The following TENM2 variants were observed in gnomAD, a reference collection of about 807,000 sequenced individuals.
TENM2 encodes the protein teneurin-2.
In TENM2, 52 loss-of-function variants were observed where a neutral mutation model predicts 245.2. That is an observed-to-expected ratio of 0.21 (90% CI 0.17 to 0.27). The LOEUF is 0.27. Among genes scored for constraint, TENM2 ranks in the 10% least tolerant of loss-of-function variants. The pLI is 1.00. For synonymous variants in TENM2, 1,363 were observed against 1,438.9 expected (o/e 0.95, Z 1.19); for missense variants, 3,046 against 3,666.8 (o/e 0.83, Z 4.37).
At chr5:167,392,602 C>T (rs1761823129) in intron 2 of TENM2, among the ~76,000 whole-genome samples, 1 of 152,098 alleles carries the variant, frequency 6.6e-6, no homozygotes, top group Non-Finnish European at 1.5e-5. Flanking sequence ...TACGGGTTTT[C>T]CCCAGCTTGC....
chr5:167,863,868 TC>T (rs1772067477), intron 2 of TENM2, among the ~76,000 whole-genome samples: 1 of 152,176 alleles, frequency 6.6e-6, no homozygotes, highest in African/African-American at 2.4e-5. Context: ...GCAATGATGT[TC>T]GAACAATTGT....
At chr5:167,397,408 T>C (rs1234418513) in intron 2 of TENM2, among the ~76,000 whole-genome samples, 1 of 152,038 alleles carries the variant, frequency 6.6e-6, no homozygotes, top group African/African-American at 2.4e-5. Context: ...ATTCTGAAAA[T>C]TAACTAATGA....
the TENM2 span, among the ~76,000 whole-genome samples, chr5:167,069,371 T>C: frequency 6.6e-6 from 1 of 152,210 alleles, no homozygotes; most frequent in African/African-American, 2.4e-5. Context: ...ATCTAAATGA[T>C]GCAAATTAAA....
At chr5:167,924,355 C>T (rs954471342) in intron 3 of TENM2, among the ~76,000 whole-genome samples, 34 of 152,174 alleles carry the variant, frequency 2.2e-4, no homozygotes, top group Admixed American at 1.8e-3. Context: ...ACCATTCAGG[C>T]GAGTCAATAG....
intron 2 of TENM2, among the ~76,000 whole-genome samples, chr5:167,621,840 G>T (rs1442963586): frequency 6.6e-6 from 1 of 152,150 alleles, no homozygotes; most frequent in African/African-American, 2.4e-5. Context: ...TCACTTGCAG[G>T]CTTATGAATT....
chr5:168,208,177 A>T (rs1230479728), intron 19 of TENM2, among the ~76,000 whole-genome samples: 2 of 152,206 alleles, frequency 1.3e-5, no homozygotes, highest in African/African-American at 4.8e-5. Context: ...GAGGCAGTAA[A>T]TTATACGGGA....
chr5:167,285,813 G>A (rs1278984893), intron 1 of TENM2, among the ~76,000 whole-genome samples: 1 of 152,222 alleles, frequency 6.6e-6, no homozygotes, highest in Non-Finnish European at 1.5e-5. Context: ...ACAGGCAAAC[G>A]CACAAAACTG....
At chr5:167,853,463 AG>A (rs1332792054) in intron 2 of TENM2, among the ~76,000 whole-genome samples, 2 of 152,032 alleles carry the variant, frequency 1.3e-5, no homozygotes, top group African/African-American at 4.8e-5. Flanking sequence ...GGGAGCTTAC[AG>A]GGGTGAGACA....
the TENM2 span, among the ~76,000 whole-genome samples, chr5:167,230,996 A>G: frequency 1.4e-4 from 22 of 152,066 alleles, no homozygotes; most frequent in Admixed American, 1.4e-3. Context: ...TGATGGTTTT[A>G]TTACTGTGGC....
At chr5:167,869,069 G>A (rs1283775634) in intron 2 of TENM2, among the ~76,000 whole-genome samples, 1 of 152,198 alleles carries the variant, frequency 6.6e-6, no homozygotes, top group African/African-American at 2.4e-5. Flanking sequence ...GTAAGTGGAA[G>A]GGCTCAGTCT....
At chr5:167,230,524 T>G in the TENM2 span, among the ~76,000 whole-genome samples, 1 of 152,170 alleles carries the variant, frequency 6.6e-6, no homozygotes, top group African/African-American at 2.4e-5. Context: ...AATCAGCCAT[T>G]TTGAAGCCCC....
At chr5:167,087,046 C>G in the TENM2 span, among the ~76,000 whole-genome samples, 1 of 151,620 alleles carries the variant, frequency 6.6e-6, no homozygotes, top group Admixed American at 6.6e-5. Flanking sequence ...TTTACAAAAG[C>G]TATTCAAGAT....
At chr5:167,897,890 G>GTTTTTT (rs35680049) in intron 3 of TENM2, among the ~76,000 whole-genome samples, 3 of 89,272 alleles carry the variant, frequency 3.4e-5, no homozygotes, top group African/African-American at 3.5e-5. Context: ...GTAGTAAATT[G>GTTTTTT]TTTTTTTTTT....
chr5:167,075,764 C>T, the TENM2 span, among the ~76,000 whole-genome samples: 5 of 152,102 alleles, frequency 3.3e-5, no homozygotes, highest in Admixed American at 2.6e-4. Context: ...AAAACTCCTA[C>T]GAACTTTTAG....
At chr5:168,260,955 A>G (rs1396809123) in intron 28 of TENM2, among the ~76,000 whole-genome samples, 1 of 152,158 alleles carries the variant, frequency 6.6e-6, no homozygotes, top group Non-Finnish European at 1.5e-5. Flanking sequence ...CTACAATCAG[A>G]TGGGAGGCGT....
the TENM2 span, among the ~76,000 whole-genome samples, chr5:167,192,399 T>G: frequency 6.6e-6 from 1 of 152,056 alleles, no homozygotes; most frequent in Non-Finnish European, 1.5e-5. Context: ...AAACCTAGTT[T>G]CCAGGCTGCT....
At chr5:167,495,615 G>T (rs72829387) in intron 2 of TENM2, among the ~76,000 whole-genome samples, 3 of 152,048 alleles carry the variant, frequency 2.0e-5, no homozygotes, top group Non-Finnish European at 2.9e-5. Context: ...ATACTATAGT[G>T]GTGTCTTGAT....
chr5:168,171,106 G>A (rs1451396602), intron 13 of TENM2, among the ~76,000 whole-genome samples: 1 of 152,222 alleles, frequency 6.6e-6, no homozygotes, highest in South Asian at 2.1e-4. Flanking sequence ...GCTCAATGTA[G>A]TCATTCAGTT....
chr5:167,084,366 T>TATATAC, the TENM2 span, among the ~76,000 whole-genome samples: 35 of 114,882 alleles, frequency 3.0e-4, no homozygotes, highest in Admixed American at 1.1e-3. Context: ...TATATATATA[T>TATATAC]ACAGATCAGA....
Sources: allele counts gnomAD v4.1 joint callset (sites outside exome capture counted in the v4.1 genomes callset), GRCh38; gene constraint gnomAD v4.1.1; transcripts MANE v1.5; gene names NCBI Gene and HGNC (gene_info 2026-07-23, HGNC 2026-07-21).